Variants in ZFHX3 observed in about 807,000 individuals in gnomAD.
ZFHX3 encodes the protein zinc finger homeobox 3.
A neutral mutation model predicts 279.1 loss-of-function variants in ZFHX3; 42 were observed. That is an observed-to-expected ratio of 0.15 (90% CI 0.12 to 0.19). The LOEUF (loss-of-function observed/expected upper bound fraction) is 0.19, where lower values mean the gene tolerates loss of function less well. Among genes scored for constraint, ZFHX3 ranks in the 10% least tolerant of loss-of-function variants. The probability of loss-of-function intolerance (pLI) is 1.00; values close to 1 mark genes in which losing one functional copy is unlikely to be tolerated. For missense variants in ZFHX3, 4,981 were observed against 4,754.0 expected (o/e 1.05, Z -1.40); for synonymous variants, 2,293 against 1,957.8 (o/e 1.17, Z -4.52).
At chr16:73,128,571 A>AT (rs138348617) in intron 7 of ZFHX3, among the ~76,000 whole-genome samples, 3,684 of 152,212 alleles carry the variant, frequency 0.024, 149 homozygotes, top group African/African-American at 0.084. Context: ...GGTACTTAAT[A>AT]AATAACAGGT....
chr16:73,106,701 C>A (rs180717736), intron 7 of ZFHX3, among the ~76,000 whole-genome samples: 16 of 152,284 alleles, frequency 1.1e-4, no homozygotes, highest in Admixed American at 1.0e-3. Context: ...GACTTTGTCT[C>A]CAAGTTCCCA....
At chr16:73,773,376 C>T (rs2054041545) in intron 1 of ZFHX3, among the ~76,000 whole-genome samples, 1 of 152,188 alleles carries the variant, frequency 6.6e-6, no homozygotes, top group Non-Finnish European at 1.5e-5. Flanking sequence ...CCATTATCAT[C>T]AAACTGTTTG....
upstream of ZFHX3, chr16:73,061,790 T>C (rs538263900): frequency 8.5e-5 from 13 of 152,238 alleles, no homozygotes; most frequent in Non-Finnish European, 1.8e-4. Context: ...ACTATGTATT[T>C]ATTTTCTTTT....
Position 73,023,387 on chromosome 16 carries a change from C to G in ZFHX3, c.-50+24365G>C, listed in dbSNP as rs537122638. On this transcript the variant is annotated intron_variant, in intron 1 of 9. Coordinates refer to ENST00000268489, the MANE Select transcript of ZFHX3 (RefSeq NM_006885.4). ...ACCCCCCTTAGGAGCCTGCTGTCAT[C>G]TAGACACAAGGGGCCTGGAGCAGGC... 1.4e-3 allele frequency among the ~76,000 whole-genome samples: 211 copies of G among 152,274 alleles called. 1 individual carries two copies. Among genetic ancestry groups the G allele is most frequent in the African/African-American group, 4.6e-3 (191 of 41,558 alleles).
intron 1 of ZFHX3, among the ~76,000 whole-genome samples, chr16:73,817,486 T>C (rs960086867): frequency 1.3e-5 from 2 of 152,210 alleles, no homozygotes; most frequent in Non-Finnish European, 2.9e-5. Flanking sequence ...CTATTCTCCT[T>C]TTCATGTTAT....
At chr16:73,373,092 A>C (rs374842452) in intron 3 of ZFHX3, among the ~76,000 whole-genome samples, 1 of 152,018 alleles carries the variant, frequency 6.6e-6, no homozygotes, top group East Asian at 1.9e-4. Flanking sequence ...GAAAAATTAG[A>C]GACACCTGGG....
At chr16:73,271,129 C>T (rs774707040) in intron 4 of ZFHX3, among the ~76,000 whole-genome samples, 1 of 152,098 alleles carries the variant, frequency 6.6e-6, no homozygotes, top group Non-Finnish European at 1.5e-5. Flanking sequence ...TAGAGCTTGG[C>T]GTTGAGTGGA....
At position 72,957,629 on chromosome 16, in the gene ZFHX3, C is replaced by T. The variant is rs1233314623; in HGVS notation, c.2517G>A (p.Met839Ile). ...GGTGGCGGTTGTGTTGGATCTGGGT[C>T]ATGTTCTGTTGCAGTAACATCATGT... Reference protein sequence around the residue: ...MHNMMLLQQNMTQIQHNRHLG... With the variant: ...MHNMMLLQQNITQIQHNRHLG... The change falls in exon 2 of 10, where the codon ATG becomes ATA. Residue 839 changes from methionine to isoleucine, a missense_variant. By Grantham distance (10) the Met-to-Ile change is conservative. This residue lies in a region of ZFHX3 where 1,751 missense variants were observed against 1,770.0 expected (regional missense o/e 0.99). Coordinates refer to ENST00000268489, the MANE Select transcript of ZFHX3 (RefSeq NM_006885.4). 3.7e-6 allele frequency: 6 copies of T among 1,613,992 alleles called. No individual in the cohort carries two copies. The Admixed American group carries it at 5.0e-5, about 13-fold the overall frequency.
At chr16:73,085,799 G>T (rs1966004406) in intron 8 of ZFHX3, among the ~76,000 whole-genome samples, 1 of 152,000 alleles carries the variant, frequency 6.6e-6, no homozygotes, top group Non-Finnish European at 1.5e-5. Context: ...GACTTTAAAA[G>T]CACAGGCATC....
intron 2 of ZFHX3, among the ~76,000 whole-genome samples, chr16:73,675,279 T>C (rs1296241735): frequency 6.6e-6 from 1 of 152,138 alleles, no homozygotes; most frequent in Non-Finnish European, 1.5e-5. Flanking sequence ...AAGTACCCTC[T>C]AAGCAGTATC....
chr16:72,846,820 G>A (rs956588936), intron 4 of ZFHX3, among the ~76,000 whole-genome samples: 2 of 152,194 alleles, frequency 1.3e-5, no homozygotes, highest in East Asian at 3.9e-4. Context: ...GCTGGCAGGG[G>A]TGGGGGTAGA....
exon 8 of ZFHX3, chr16:73,093,513 G>A (rs754917691): frequency 3.0e-5 from 15 of 504,228 alleles, no homozygotes; most frequent in South Asian, 1.9e-4. Context: ...TCATAGCTGC[G>A]CCCTGTCCAC....
intron 5 of ZFHX3, among the ~76,000 whole-genome samples, chr16:73,164,817 C>G (rs763358438): frequency 1.7e-4 from 26 of 152,072 alleles, no homozygotes; most frequent in Non-Finnish European, 3.7e-4. Flanking sequence ...GTGTTTAATC[C>G]TCACAATGAC....
At chr16:72,861,032 C>A (rs956741054) in intron 4 of ZFHX3, among the ~76,000 whole-genome samples, 2 of 152,154 alleles carry the variant, frequency 1.3e-5, no homozygotes, top group South Asian at 4.1e-4. Flanking sequence ...CCAACAGCAA[C>A]GGGTCAGCAG....
intron 1 of ZFHX3, among the ~76,000 whole-genome samples, chr16:73,733,513 T>G (rs1356261764): frequency 6.6e-6 from 1 of 152,222 alleles, no homozygotes; most frequent in Non-Finnish European, 1.5e-5. Context: ...GTGACTAAGC[T>G]GATATAAAAT....
chr16:72,962,723 A>G (rs917314220), intron 1 of ZFHX3, among the ~76,000 whole-genome samples: 3 of 152,078 alleles, frequency 2.0e-5, no homozygotes, highest in Non-Finnish European at 4.4e-5. Flanking sequence ...GGGACCATGC[A>G]TTAAACTTAA....
At chr16:72,921,468 C>T (rs113437245) in intron 3 of ZFHX3, among the ~76,000 whole-genome samples, 62 of 152,334 alleles carry the variant, frequency 4.1e-4, no homozygotes, top group African/African-American at 1.4e-3. Context: ...GGGCAGAGGA[C>T]TGAACGGGGA....
intron 1 of ZFHX3, among the ~76,000 whole-genome samples, chr16:73,010,086 G>C (rs909213678): frequency 2.7e-5 from 4 of 149,060 alleles, no homozygotes; most frequent in Non-Finnish European, 4.4e-5. Flanking sequence ...ATTAGCATCA[G>C]AACACCCACG....
chr16:73,738,667 C>T (rs545396271), intron 1 of ZFHX3, among the ~76,000 whole-genome samples: 4 of 152,128 alleles, frequency 2.6e-5, no homozygotes, highest in Non-Finnish European at 4.4e-5. Flanking sequence ...TGGAAGAGTA[C>T]CAGACATAAT....
Sources: gnomAD v4.1 joint callset for allele counts (sites outside exome capture counted in the v4.1 genomes callset) on GRCh38, gnomAD v4.1.1 for gene constraint, gnomAD v4.1.1 regional missense constraint, MANE v1.5 for transcripts, NCBI Gene and HGNC (gene_info 2026-07-23, HGNC 2026-07-21) for gene names.